Variants in USP5 observed in about 807,000 individuals in gnomAD.
USP5 encodes ubiquitin carboxyl-terminal hydrolase 5.
A neutral mutation model predicts 102.5 loss-of-function variants in USP5; 24 were observed. The ratio of observed to expected loss-of-function variants is 0.23; its 90% CI spans 0.17 to 0.33. The LOEUF (loss-of-function observed/expected upper bound fraction) is 0.33. Among genes scored for constraint, USP5 ranks in the 10% least tolerant of loss-of-function variants. USP5 has a pLI of 1.00. For missense variants in USP5, 753 were observed against 1,122.1 expected (o/e 0.67, Z 4.70); for synonymous variants, 460 against 434.8 (o/e 1.06, Z -0.72).
At position 6,855,499 on chromosome 12, in the gene USP5, C is replaced by T; in HGVS notation, c.210C>T (p.Tyr70=). Residue 70 remains tyrosine, a synonymous_variant, in exon 2 of 20, where the codon TAC becomes TAT. Transcript: ENST00000229268. This position sits in a 1 kb window ranked among gnomAD's most constrained non-coding sequence, Gnocchi z 4.6. ...RHFNKTGQRV[Y]LHLRRTRRPK... is the part of the protein sequence containing the mutation. ...TCAATAAGACCGGCCAGCGAGTCTA[C>T]TTGCACCTCCGGCGGACCCGGCGCC... The T allele has an allele frequency of 6.2e-7, 1 of 1,614,210 alleles. No homozygotes were observed. Among genetic ancestry groups the T allele is most frequent in the Non-Finnish European group, 8.5e-7 (1 of 1,180,034 alleles).
chr12:6,855,291 C>A lies in USP5; in HGVS notation c.112-110C>A. The A allele has an allele frequency of 6.9e-7, 1 of 1,451,128 alleles. No homozygotes were observed. The highest frequency in any genetic ancestry group is 9.4e-7 in the Non-Finnish European group (1 of 1,063,274). 89.9% of individuals were successfully genotyped at this position (1,451,128 alleles called of 1,614,324 possible). A position where few individuals can be genotyped will look rare whatever the true frequency, so the allele number is the denominator to read the frequency against. On this transcript the variant is annotated intron_variant, in intron 1 of 19. Transcript: ENST00000229268. The surrounding 1 kb of genome is among the most constrained non-coding windows in gnomAD (Gnocchi z 4.6). ...CCAAGGGCCACACAGTGTTAGAGAA[C>A]AGAACATTTCTTCTGGAACCCAGCA...
rs1555129242 is a variant in USP5 at position 6,860,270 on chromosome 12, TG to T, written c.1218+35del. On this transcript the variant is annotated intron_variant, in intron 10 of 19. Coordinates refer to ENST00000229268, the MANE Select transcript of USP5 (RefSeq NM_001098536.2). The surrounding 1 kb of genome is among the most constrained non-coding windows in gnomAD (Gnocchi z 5.5). Reference sequence around the variant, plus strand: ...CTAGGACCCTGTCCCTTTCAGGCCCTGGGATTGTGGGGAAGCTGAGGTCTGG... The same window carrying T: ...CTAGGACCCTGTCCCTTTCAGGCCCTGGATTGTGGGGAAGCTGAGGTCTGG... 8 of 1,610,754 alleles carry T rather than the reference TG, an allele frequency of 5.0e-6. No homozygotes were observed. The highest frequency in any genetic ancestry group is 3.3e-5 in the South Asian group (3 of 91,004).
intron 7 of USP5, 80 bp downstream of exon 7, chr12:6,857,803 G>GC (rs2138046742): frequency 7.0e-7 from 1 of 1,427,774 alleles, no homozygotes; most frequent in African/African-American, 1.4e-5. Context: ...GCTGAGGTAG[G>GC]GTTTTGGAGA....
chr12:6,852,478 C>G lies in USP5; in HGVS notation c.111+188C>G, dbSNP rs782080084. On this transcript the variant is annotated intron_variant, in intron 1 of 19. Coordinates refer to ENST00000229268, the MANE Select transcript of USP5 (RefSeq NM_001098536.2). The stretch of plus-strand genomic sequence containing the variant: ...GTCGTGTGACTACCGTCCCCGGAAG[C>G]CGCCGCGCTCACCTCTCCGGCTCCC... Among the ~76,000 whole-genome samples, 13 of 152,408 alleles carry G rather than the reference C, an allele frequency of 8.5e-5. 1 individual carries two copies. In the East Asian group the frequency reaches 2.5e-3, roughly 29 times the overall value.
chr12:6,865,116 A>G, intron 18 of USP5, 48 bp from the exon 19 acceptor site: 1 of 1,525,414 alleles, frequency 6.6e-7, no homozygotes, highest in Non-Finnish European at 9.1e-7. Flanking sequence ...CCATCACTCA[A>G]GCATTCCTCT....
At position 6,860,084 on chromosome 12, in the gene USP5, G is replaced by A. The variant is rs1565531884; in HGVS notation, c.1131-67G>A. On this transcript the variant is annotated intron_variant, in intron 9 of 19. Coordinates refer to ENST00000229268, the MANE Select transcript of USP5 (RefSeq NM_001098536.2). This position sits in a 1 kb window ranked among gnomAD's most constrained non-coding sequence, Gnocchi z 5.5. ...AGCTAGGGAGAGCCACGAGCAGGGG[G>A]TTGAGCTGGGGACACACAGGGTCGT... 25 of 1,562,994 alleles carry A rather than the reference G, an allele frequency of 1.6e-5. No individual in the cohort carries two copies. Among genetic ancestry groups the A allele is most frequent in the Non-Finnish European group, 2.1e-5 (24 of 1,149,124 alleles).
rs1555128749 is a variant in USP5 at position 6,858,180 on chromosome 12, G to C, written c.865-244G>C. Among the ~76,000 whole-genome samples the C allele has an allele frequency of 1.3e-5, 2 of 152,196 alleles. No homozygotes were observed. The highest frequency in any genetic ancestry group is 4.8e-5 in the African/African-American group (2 of 41,438). On this transcript the variant is annotated intron_variant, in intron 7 of 19. Coordinates refer to ENST00000229268, the MANE Select transcript of USP5 (RefSeq NM_001098536.2). This position sits in a 1 kb window ranked among gnomAD's most constrained non-coding sequence, Gnocchi z 4.2. ...ACTTAAGGATGGGAAAAACATTTCA[G>C]GTAGAAGGAAATTTTATTCCTCATT...
rs759118336 is a variant in USP5 at position 6,864,815 on chromosome 12, G to C, written c.2338G>C (p.Ala780Pro). ...CATGGACATCTCAGAGGGCCGCTCA[G>C]CTGCCGACTCCATCTCTGAGTCTGT... ...AAMDISEGRS[A>P]ADSISESVPV... The change falls in exon 18 of 20, where the codon GCT becomes CCT. Residue 780 changes from alanine to proline, a missense_variant. By Grantham distance (27) the Ala-to-Pro change is conservative. This residue lies in a region of USP5 where 193 missense variants were observed against 230.2 expected (regional missense o/e 0.84). Coordinates refer to ENST00000229268, the MANE Select transcript of USP5 (RefSeq NM_001098536.2). This position sits in a 1 kb window ranked among gnomAD's most constrained non-coding sequence, Gnocchi z 4.8. The C allele has an allele frequency of 1.9e-6, 3 of 1,614,022 alleles. No individual in the cohort carries two copies. Among genetic ancestry groups the C allele is most frequent in the Non-Finnish European group, 2.5e-6 (3 of 1,180,048 alleles).
Position 6,864,244 on chromosome 12 carries a change from G to C in USP5, c.2244+49G>C. On this transcript the variant is annotated intron_variant, in intron 17 of 19. Transcript: ENST00000229268. This position sits in a 1 kb window ranked among gnomAD's most constrained non-coding sequence, Gnocchi z 4.8. ...CATGGGGCCAGTGGGGAAGAAGGGG[G>C]TGGGAATGAGGGGCCATCCTTCTTG... The C allele has an allele frequency of 1.3e-6, 2 of 1,533,258 alleles. No individual in the cohort carries two copies. Among genetic ancestry groups the C allele is most frequent in the Non-Finnish European group, 1.8e-6 (2 of 1,140,348 alleles). 95.0% of individuals were successfully genotyped at this position (1,533,258 alleles called of 1,614,324 possible).
chr12:6,855,737 C>G lies in USP5; in HGVS notation c.238-18C>G, dbSNP rs1555128030. The G allele has an allele frequency of 1.2e-6, 2 of 1,614,136 alleles. No individual in the cohort carries two copies. Among genetic ancestry groups the G allele is most frequent in the Admixed American group, 3.3e-5 (2 of 60,018 alleles). On this transcript the variant is annotated intron_variant, in intron 2 of 19. Coordinates refer to ENST00000229268, the MANE Select transcript of USP5 (RefSeq NM_001098536.2). This position sits in a 1 kb window ranked among gnomAD's most constrained non-coding sequence, Gnocchi z 4.6. ...GCTCGTGCTCATTGCTGATCCAGCCCTTCCTGCTTCTTTACAGAAAGAGGA... is the reference window on the plus strand; with the variant it reads ...GCTCGTGCTCATTGCTGATCCAGCCGTTCCTGCTTCTTTACAGAAAGAGGA...
At position 6,863,701 on chromosome 12, in the gene USP5, T is replaced by A; in HGVS notation, c.1955-129T>A. ...TTGTGTGGTCATTTTGGTTTTGGGA[T>A]AAGGTGCCAATCCATGGGAGAAAAA... On this transcript the variant is annotated intron_variant, in intron 15 of 19. Coordinates refer to ENST00000229268, the MANE Select transcript of USP5 (RefSeq NM_001098536.2). This position sits in a 1 kb window ranked among gnomAD's most constrained non-coding sequence, Gnocchi z 4.7. 7.5e-7 allele frequency: 1 copy of A among 1,338,104 alleles called. No individual in the cohort carries two copies. The highest frequency in any genetic ancestry group is 1.0e-6 in the Non-Finnish European group (1 of 995,400). 82.9% of individuals were successfully genotyped at this position (1,338,104 alleles called of 1,614,324 possible).
rs1373919665 is a variant in USP5, at chr12:6,858,845, C to T, written c.1058+228C>T. 3 of 434,218 alleles carry T rather than the reference C, an allele frequency of 6.9e-6. No individual in the cohort carries two copies. The Admixed American group carries it at 1.0e-4, about 15-fold the overall frequency. 26.9% of individuals were successfully genotyped at this position (434,218 alleles called of 1,614,324 possible). ...ACCAGCCTGGGCAACATAGCGAGAC[C>T]CTGTCTTCTCTTAAAAAAAAAAAAG... is the stretch of plus-strand genomic sequence containing the variant. On this transcript the variant is annotated intron_variant, in intron 8 of 19. Coordinates refer to ENST00000229268, the MANE Select transcript of USP5 (RefSeq NM_001098536.2). The surrounding 1 kb of genome is among the most constrained non-coding windows in gnomAD (Gnocchi z 4.2).
Position 6,856,436 on chromosome 12 carries a change from T to C in USP5, c.570T>C (p.Ala190=), listed in dbSNP as rs1467464695. ...AFSLKQLDNP[A]RIPPCGWKCS... The stretch of plus-strand genomic sequence containing the variant: ...GCCTCAAGCAGTTGGACAACCCTGC[T>C]CGAATCCCTCCCTGGTGAGGCCTGG... Residue 190 remains alanine (A), a synonymous_variant, in exon 5 of 20, where the codon GCT becomes GCC. Coordinates refer to ENST00000229268, the MANE Select transcript of USP5 (RefSeq NM_001098536.2). This position sits in a 1 kb window ranked among gnomAD's most constrained non-coding sequence, Gnocchi z 5.6. 5.0e-6 allele frequency: 8 copies of C among 1,611,470 alleles called. No individual in the cohort carries two copies. Among genetic ancestry groups the C allele is most frequent in the Non-Finnish European group, 6.8e-6 (8 of 1,178,590 alleles).
At chr12:6,852,387 C>G in intron 1 of USP5, 97 bp downstream of exon 1, 1 of 1,220,142 alleles carries the variant, frequency 8.2e-7, no homozygotes, top group Non-Finnish European at 1.2e-6. Context: ...CGCCTCCCTG[C>G]GATGCACCAT....
chr12:6,854,293 G>A (rs1212201810), intron 1 of USP5, among the ~76,000 whole-genome samples: 2 of 152,096 alleles, frequency 1.3e-5, no homozygotes, highest in Non-Finnish European at 2.9e-5. Context: ...GAGAGAGGGT[G>A]GTGGCTATGG....
rs782181102 is a variant in USP5, at chr12:6,856,010, C to T, written c.305-7C>T. ...TCTACTCTCCCTCTTCTTCCCTATCCTTCCAGGTGTTGAAGGCGGATTTGA... is the reference window on the plus strand; with the variant it reads ...TCTACTCTCCCTCTTCTTCCCTATCTTTCCAGGTGTTGAAGGCGGATTTGA... On this transcript the variant is annotated splice_polypyrimidine_tract_variant and splice_region_variant and intron_variant, in intron 3 of 19. Coordinates refer to ENST00000229268, the MANE Select transcript of USP5 (RefSeq NM_001098536.2). This position sits in a 1 kb window ranked among gnomAD's most constrained non-coding sequence, Gnocchi z 5.6. 32 of 1,614,048 alleles carry T rather than the reference C, an allele frequency of 2.0e-5. No individual in the cohort carries two copies. The highest frequency in any genetic ancestry group is 2.7e-5 in the Non-Finnish European group (32 of 1,180,022).
In USP5 at chr12:6,860,172, T is replaced by G; in HGVS notation, c.1152T>G (p.Leu384=). The G allele has an allele frequency of 6.2e-7, 1 of 1,604,620 alleles. No homozygotes were observed. Among genetic ancestry groups the G allele is most frequent in the Non-Finnish European group, 8.5e-7 (1 of 1,177,518 alleles). ...STQVAKLGHG[L]LSGEYSKPVP... is the part of the protein sequence containing the mutation. ...GCAGGGCCAAGCTGGGCCATGGCCTTCTCTCCGGGGAGTATTCCAAGCCAG... is the reference window on the plus strand; with the variant it reads ...GCAGGGCCAAGCTGGGCCATGGCCTGCTCTCCGGGGAGTATTCCAAGCCAG... The change falls in exon 10 of 20, where the codon CTT becomes CTG. Residue 384 remains leucine (L), a synonymous_variant. Coordinates refer to ENST00000229268, the MANE Select transcript of USP5 (RefSeq NM_001098536.2). The surrounding 1 kb of genome is among the most constrained non-coding windows in gnomAD (Gnocchi z 5.5).
intron 8 of USP5, 29 bp from the exon 9 acceptor site, chr12:6,859,441 C>T (rs782707835): frequency 1.9e-6 from 3 of 1,612,258 alleles, no homozygotes; most frequent in South Asian, 1.1e-5. Flanking sequence ...GGCCAGAGCC[C>T]CTCCAACTGT....
intron 19 of USP5, among the ~76,000 whole-genome samples, chr12:6,865,672 G>C (rs1342391826): frequency 6.6e-6 from 1 of 152,220 alleles, no homozygotes; most frequent in African/African-American, 2.4e-5. Context: ...CGTTGTGTCA[G>C]AGACCAGAGA....
Sources: allele counts gnomAD v4.1 joint callset (sites outside exome capture counted in the v4.1 genomes callset), GRCh38; gene constraint gnomAD v4.1.1; regional missense constraint gnomAD v4.1.1; non-coding constraint Gnocchi (gnomAD v3.1); transcripts MANE v1.5; gene names NCBI Gene and HGNC (gene_info 2026-07-23, HGNC 2026-07-21).